The following AKAP19 variants were observed in gnomAD, a reference collection of about 807,000 sequenced individuals.
AKAP19 encodes the protein A-kinase anchoring protein 19, also known as small A-kinase anchoring protein.
chr2:190,188,271 C>T, the AKAP19 span, among the ~76,000 whole-genome samples: 3 of 152,198 alleles, frequency 2.0e-5, no homozygotes, highest in East Asian at 1.9e-4. Flanking sequence ...AAGGGATGCT[C>T]TGATAGTTCT....
the AKAP19 span, among the ~76,000 whole-genome samples, chr2:189,907,870 C>G: frequency 1.3e-5 from 2 of 152,092 alleles, no homozygotes; most frequent in Non-Finnish European, 2.9e-5. Context: ...ATAGTATTCT[C>G]TTAGAATCCT....
the AKAP19 span, among the ~76,000 whole-genome samples, chr2:190,070,987 A>G: frequency 4.1e-4 from 63 of 152,250 alleles, no homozygotes; most frequent in Non-Finnish European, 7.2e-4. Flanking sequence ...GACCACATAG[A>G]TGAGGGGGGT....
chr2:189,938,759 G>C, the AKAP19 span, among the ~76,000 whole-genome samples: 1 of 152,112 alleles, frequency 6.6e-6, no homozygotes, highest in African/African-American at 2.4e-5. Flanking sequence ...TGGGGGAATG[G>C]ATACCCCATC....
At chr2:190,042,453 C>CA in the AKAP19 span, among the ~76,000 whole-genome samples, 70 of 148,266 alleles carry the variant, frequency 4.7e-4, 1 homozygote, top group Admixed American at 1.6e-3. Flanking sequence ...TTTTTTTTTT[C>CA]AAAAAAACAA....
chr2:190,091,472 A>G, the AKAP19 span, among the ~76,000 whole-genome samples: 2 of 152,012 alleles, frequency 1.3e-5, no homozygotes, highest in Non-Finnish European at 1.5e-5. Context: ...TTGAAAGTAA[A>G]GAACTGTTTC....
chr2:189,944,590 G>C, the AKAP19 span, among the ~76,000 whole-genome samples: 2 of 151,954 alleles, frequency 1.3e-5, no homozygotes, highest in Non-Finnish European at 2.9e-5. Context: ...GAGTTCCCAG[G>C]TATATAAAGG....
chr2:190,190,190 G>A, the AKAP19 span, among the ~76,000 whole-genome samples: 1 of 152,056 alleles, frequency 6.6e-6, no homozygotes, highest in Non-Finnish European at 1.5e-5. Context: ...TTTTTTAATA[G>A]CCTAGAAAGT....
At chr2:190,089,515 A>G in the AKAP19 span, 1 of 152,008 alleles carries the variant, frequency 6.6e-6, no homozygotes, top group Non-Finnish European at 1.5e-5. Flanking sequence ...CTTTTTGAAA[A>G]TTCTAGAATT....
the AKAP19 span, among the ~76,000 whole-genome samples, chr2:189,945,696 C>T: frequency 2.6e-5 from 4 of 152,156 alleles, no homozygotes; most frequent in African/African-American, 9.7e-5. Context: ...TATAGATTGG[C>T]ATTCAAATAT....
At chr2:189,916,332 T>C in the AKAP19 span, among the ~76,000 whole-genome samples, 6 of 139,942 alleles carry the variant, frequency 4.3e-5, no homozygotes, top group African/African-American at 1.7e-4. Flanking sequence ...TTTTCTTCTT[T>C]TTTTTTTTTT....
the AKAP19 span, chr2:190,062,708 A>C: frequency 9.3e-6 from 9 of 966,988 alleles, no homozygotes; most frequent in African/African-American, 1.5e-4. Context: ...TCTGAGAGAC[A>C]ACTTGCCACA....
the AKAP19 span, among the ~76,000 whole-genome samples, chr2:190,144,747 T>C: frequency 6.6e-6 from 1 of 151,258 alleles, no homozygotes; most frequent in African/African-American, 2.4e-5. Flanking sequence ...GAGGGTGAGG[T>C]GGGCAGATCA....
chr2:190,162,975 A>C, the AKAP19 span, among the ~76,000 whole-genome samples: 1 of 152,242 alleles, frequency 6.6e-6, no homozygotes, highest in Non-Finnish European at 1.5e-5. Context: ...GTTAAAAAGC[A>C]AGTGGAGTGC....
the AKAP19 span, among the ~76,000 whole-genome samples, chr2:189,992,618 G>A: frequency 6.6e-6 from 1 of 152,152 alleles, no homozygotes; most frequent in Non-Finnish European, 1.5e-5. Flanking sequence ...TGGCAATATG[G>A]TCATTTTCAC....
the AKAP19 span, among the ~76,000 whole-genome samples, chr2:190,148,511 T>A: frequency 3.3e-5 from 5 of 152,326 alleles, no homozygotes; most frequent in African/African-American, 1.2e-4. Context: ...TAGGGTGATG[T>A]TGGCTTCATA....
At chr2:189,893,897 G>A in the AKAP19 span, among the ~76,000 whole-genome samples, 1 of 152,118 alleles carries the variant, frequency 6.6e-6, no homozygotes, top group Non-Finnish European at 1.5e-5. Flanking sequence ...ATGTGGATTG[G>A]TCCTGGAACT....
chr2:190,138,660 C>A, the AKAP19 span, among the ~76,000 whole-genome samples: 1 of 152,202 alleles, frequency 6.6e-6, no homozygotes, highest in African/African-American at 2.4e-5. Flanking sequence ...AACCTTTTAA[C>A]AGGGCACTCC....
chr2:190,087,874 CT>C, the AKAP19 span, among the ~76,000 whole-genome samples: 2 of 152,188 alleles, frequency 1.3e-5, no homozygotes, highest in Non-Finnish European at 2.9e-5. Context: ...CCTCTTCTCC[CT>C]TCCTTCTCCA....
At chr2:189,925,851 C>A in the AKAP19 span, among the ~76,000 whole-genome samples, 1 of 151,970 alleles carries the variant, frequency 6.6e-6, no homozygotes, top group Non-Finnish European at 1.5e-5. Context: ...ATTATCAAAG[C>A]CAGAAGAAAA....
Sources: allele counts gnomAD v4.1 joint callset (sites outside exome capture counted in the v4.1 genomes callset), GRCh38; gene constraint gnomAD v4.1.1; transcripts MANE v1.5; gene names NCBI Gene and HGNC (gene_info 2026-07-23, HGNC 2026-07-21).